Variants in GRAMD1C observed in about 807,000 individuals in gnomAD.
GRAMD1C encodes the protein protein Aster-C.
In GRAMD1C, 89 loss-of-function variants were observed where a neutral mutation model predicts 97.8. The ratio of observed to expected loss-of-function variants is 0.91; its 90% CI spans 0.77 to 1.09. GRAMD1C has a LOEUF of 1.09. Among genes scored for constraint, GRAMD1C ranks in the 50% least tolerant of loss-of-function variants. The pLI is 0.00. For missense variants in GRAMD1C, 740 were observed against 766.4 expected (o/e 0.97, Z 0.41); for synonymous variants, 256 against 267.0 (o/e 0.96, Z 0.40).
chr3:113,913,020 T>C, intron 9 of GRAMD1C: 2 of 611,476 alleles, frequency 3.3e-6, no homozygotes, highest in South Asian at 1.6e-5. Flanking sequence ...TTTGGAAAGA[T>C]GAAGGGTAAC....
chr3:113,885,073 T>C (rs535151471), intron 6 of GRAMD1C, among the ~76,000 whole-genome samples: 5 of 151,638 alleles, frequency 3.3e-5, no homozygotes, highest in African/African-American at 9.7e-5. Context: ...CCAGTCCATG[T>C]GGGCCCCCGC....
chr3:113,915,120 T>C (rs2107339473), intron 9 of GRAMD1C, among the ~76,000 whole-genome samples: 1 of 152,340 alleles, frequency 6.6e-6, no homozygotes, highest in South Asian at 2.1e-4. Context: ...CTTTGATGAA[T>C]ACTTTTCAGA....
intron 6 of GRAMD1C, among the ~76,000 whole-genome samples, chr3:113,894,569 A>G (rs1026134533): frequency 6.6e-6 from 1 of 152,082 alleles, no homozygotes; most frequent in Non-Finnish European, 1.5e-5. Flanking sequence ...GTGAGCCACC[A>G]CGCCCGGCCT....
intron 10 of GRAMD1C, among the ~76,000 whole-genome samples, chr3:113,926,706 G>C (rs2107358457): frequency 6.6e-6 from 1 of 152,220 alleles, no homozygotes. Flanking sequence ...GCCTGTGGGG[G>C]TTTGATTGTG....
chr3:113,932,096 T>C (rs1373281296), intron 11 of GRAMD1C, among the ~76,000 whole-genome samples: 6 of 152,222 alleles, frequency 3.9e-5, no homozygotes, highest in Non-Finnish European at 8.8e-5. Flanking sequence ...ATGCTCTTTA[T>C]CTGTGACCAG....
At chr3:113,913,054 C>T (rs1936662308) in intron 9 of GRAMD1C, 2 of 1,081,700 alleles carry the variant, frequency 1.8e-6, no homozygotes, top group Non-Finnish European at 2.5e-6. Context: ...TATTAGTGTC[C>T]TTACCATTCT....
At chr3:113,875,609 T>C (rs748986398) in intron 4 of GRAMD1C, 22 bp downstream of exon 4, 8 of 990,414 alleles carry the variant, frequency 8.1e-6, no homozygotes, top group Admixed American at 1.7e-5. Context: ...TGCATTTGAT[T>C]TGTTGATACA....
chr3:113,920,011 C>T (rs1936977190), intron 10 of GRAMD1C: 2 of 729,004 alleles, frequency 2.7e-6, no homozygotes. Flanking sequence ...CAGATGTGAA[C>T]CAAAAAGTTT....
chr3:113,873,558 G>A (rs1161220521), intron 3 of GRAMD1C, among the ~76,000 whole-genome samples: 2 of 151,376 alleles, frequency 1.3e-5, no homozygotes, highest in Non-Finnish European at 2.9e-5. Context: ...TCACTCTGTT[G>A]CCCAGGCTGG....
chr3:113,857,727 T>A (rs935686973), intron 2 of GRAMD1C, among the ~76,000 whole-genome samples: 1 of 152,308 alleles, frequency 6.6e-6, no homozygotes, highest in East Asian at 1.9e-4. Context: ...TTGAATTTTG[T>A]CAAATATTAT....
At chr3:113,902,636 G>T (rs527583259) in intron 7 of GRAMD1C, among the ~76,000 whole-genome samples, 3 of 152,208 alleles carry the variant, frequency 2.0e-5, no homozygotes, top group African/African-American at 7.2e-5. Context: ...TTCTTCTGGC[G>T]ATTGAATGCT....
In GRAMD1C at chr3:113,946,203, A is replaced by C. The variant is rs1359776765; in HGVS notation, c.*725A>C. 6.6e-6 allele frequency: 1 copy of C among 152,646 alleles called. No individual in the cohort carries two copies. Among genetic ancestry groups the C allele is most frequent in the Admixed American group, 6.5e-5 (1 of 15,286 alleles). The allele number at this position is 152,646 out of a possible 1,614,324, so 9.5% of individuals were successfully genotyped here. A position where few individuals can be genotyped will look rare whatever the true frequency, so the allele number is the denominator to read the frequency against. ...CATCCTCTGAGTTTTAAAAACCAGA[A>C]GGTTATGTTAAAATCTGGGCATTTA... On this transcript the variant is annotated 3_prime_UTR_variant, in exon 18 of 18. Coordinates refer to ENST00000358160, the MANE Select transcript of GRAMD1C (RefSeq NM_017577.5).
chr3:113,835,575 C>A (rs1709620017), upstream of GRAMD1C, among the ~76,000 whole-genome samples: 2 of 152,146 alleles, frequency 1.3e-5, no homozygotes, highest in Non-Finnish European at 2.9e-5. Context: ...AGCTTTGTCC[C>A]AGATTACATA....
At chr3:113,891,010 T>G (rs1935703480) in intron 6 of GRAMD1C, 1 of 456,642 alleles carries the variant, frequency 2.2e-6, no homozygotes, top group Admixed American at 3.9e-5. Flanking sequence ...GTGTTTCTGA[T>G]GTATACACAC....
chr3:113,904,377 T>A, intron 8 of GRAMD1C, 105 bp downstream of exon 8: 1 of 807,408 alleles, frequency 1.2e-6, no homozygotes, highest in East Asian at 2.6e-5. Flanking sequence ...AAATAAGATA[T>A]CAGACTCCTA....
At chr3:113,884,120 T>C (rs1166133950) in intron 6 of GRAMD1C, among the ~76,000 whole-genome samples, 1 of 152,216 alleles carries the variant, frequency 6.6e-6, no homozygotes, top group African/African-American at 2.4e-5. Flanking sequence ...AAGACATCTA[T>C]GATGCACTCC....
rs544777902 is a variant in GRAMD1C, at chr3:113,932,671, A to G, written c.1210-840A>G. Reference sequence around the variant, plus strand: ...AAGGAAAAAATAATTTGCCAGTGAAATAAATGACACAGGGGCAGCAAATGT... The same window carrying G: ...AAGGAAAAAATAATTTGCCAGTGAAGTAAATGACACAGGGGCAGCAAATGT... On this transcript the variant is annotated intron_variant, in intron 11 of 17. Coordinates refer to ENST00000358160, the MANE Select transcript of GRAMD1C (RefSeq NM_017577.5). Among the ~76,000 whole-genome samples, 5 of 152,310 alleles carry G rather than the reference A, an allele frequency of 3.3e-5. No homozygotes were observed. In the East Asian group the frequency reaches 9.7e-4, roughly 29 times the overall value.
chr3:113,871,818 G>A (rs957032626), intron 3 of GRAMD1C, among the ~76,000 whole-genome samples: 22 of 151,144 alleles, frequency 1.5e-4, no homozygotes, highest in African/African-American at 5.1e-4. Flanking sequence ...GCATGCACCT[G>A]TAGTCCCAGC....
chr3:113,829,187 C>T (rs1709526801), intron 1 of GRAMD1C, among the ~76,000 whole-genome samples: 1 of 152,066 alleles, frequency 6.6e-6, no homozygotes, highest in Admixed American at 6.6e-5. Flanking sequence ...CGAGGGAAGG[C>T]CAGAACAGGA....
Sources: allele counts gnomAD v4.1 joint callset (sites outside exome capture counted in the v4.1 genomes callset), GRCh38; gene constraint gnomAD v4.1.1; transcripts MANE v1.5; gene names NCBI Gene and HGNC (gene_info 2026-07-23, HGNC 2026-07-21).